The following MGMT variants were observed in gnomAD, a reference collection of about 807,000 sequenced individuals.
The protein encoded by MGMT is methylated-DNA--protein-cysteine methyltransferase.
MGMT carries 14 observed loss-of-function variants against 15.9 expected under a neutral mutation model. The ratio of observed to expected loss-of-function variants is 0.88; its 90% CI spans 0.58 to 1.37. The LOEUF is 1.37. Ranked by LOEUF, MGMT falls within the 40% of genes most tolerant of loss-of-function variation. The pLI is 0.00. For synonymous variants in MGMT, 130 were observed against 118.2 expected, an observed-to-expected ratio of 1.10 and a Z score of -0.65; for missense variants, 282 against 268.1, an observed-to-expected ratio of 1.05 and a Z score of -0.36.
At chr10:129,657,697 A>ACACACACACG in intron 2 of MGMT, among the ~76,000 whole-genome samples, 1 of 138,620 alleles carries the variant, frequency 7.2e-6, no homozygotes, top group East Asian at 2.0e-4. Context: ...ACACACACAC[A>ACACACACACG]CACACACACG....
At chr10:129,623,723 G>A (rs1847115469) in intron 2 of MGMT, among the ~76,000 whole-genome samples, 1 of 152,066 alleles carries the variant, frequency 6.6e-6, no homozygotes, top group Non-Finnish European at 1.5e-5. Context: ...GTCTTGCTAT[G>A]TTGCCCAGAC....
chr10:129,706,641 A>AGGG (rs1193209900), intron 2 of MGMT, among the ~76,000 whole-genome samples: 1 of 152,170 alleles, frequency 6.6e-6, no homozygotes, highest in Non-Finnish European at 1.5e-5. Context: ...GAAGGAAGGA[A>AGGG]GGGAGTCACC....
chr10:129,536,227 T>C lies in MGMT; in HGVS notation c.-12-14T>C. ...TTACCTATACACTTTGTCTTAAAAATTATTTCTGTTTAGGTACTTGGAAAA... is the reference window on the plus strand; with the variant it reads ...TTACCTATACACTTTGTCTTAAAAACTATTTCTGTTTAGGTACTTGGAAAA... On this transcript the variant is annotated splice_polypyrimidine_tract_variant and intron_variant, in intron 1 of 4. Coordinates refer to ENST00000651593, the MANE Select transcript of MGMT (RefSeq NM_002412.5). The C allele has an allele frequency of 6.2e-7, 1 of 1,613,612 alleles. No homozygotes were observed. The highest frequency in any genetic ancestry group is 8.5e-7 in the Non-Finnish European group (1 of 1,179,842).
chr10:129,656,963 C>T (rs1159181746), intron 2 of MGMT, among the ~76,000 whole-genome samples: 2 of 151,992 alleles, frequency 1.3e-5, no homozygotes, highest in East Asian at 1.9e-4. Context: ...AGAACTTCCA[C>T]GCAGAAGGCA....
chr10:129,594,111 C>G (rs912416872), intron 2 of MGMT, among the ~76,000 whole-genome samples: 3 of 152,248 alleles, frequency 2.0e-5, no homozygotes, highest in East Asian at 1.9e-4. Flanking sequence ...TGGGGGCAGC[C>G]CTGTGTTGGT....
chr10:129,716,519 T>C (rs1018253218), intron 3 of MGMT, among the ~76,000 whole-genome samples: 1 of 152,218 alleles, frequency 6.6e-6, no homozygotes, highest in African/African-American at 2.4e-5. Context: ...CTTCAGCCTT[T>C]CCTCACTTAG....
chr10:129,728,979 A>C (rs953057799), intron 3 of MGMT, among the ~76,000 whole-genome samples: 28 of 152,264 alleles, frequency 1.8e-4, no homozygotes, highest in African/African-American at 6.5e-4. Context: ...TGAACTTGGA[A>C]CATCCATATT....
intron 2 of MGMT, among the ~76,000 whole-genome samples, chr10:129,697,623 G>A (rs903518405): frequency 3.3e-5 from 5 of 152,184 alleles, no homozygotes; most frequent in Non-Finnish European, 7.3e-5. Flanking sequence ...AGTGTTGTGC[G>A]AGAGCTTACA....
chr10:129,628,279 C>T (rs1847172724), intron 2 of MGMT, among the ~76,000 whole-genome samples: 2 of 152,116 alleles, frequency 1.3e-5, no homozygotes, highest in Non-Finnish European at 2.9e-5. Context: ...ATTATTTTTC[C>T]AAAAGCTTTA....
At chr10:129,472,812 A>G (rs918939301) in intron 1 of MGMT, among the ~76,000 whole-genome samples, 5 of 152,078 alleles carry the variant, frequency 3.3e-5, no homozygotes, top group African/African-American at 1.2e-4. Flanking sequence ...CACATTTGCC[A>G]CCTCTGGTGC....
chr10:129,766,418 A>G (rs1848935512), intron 4 of MGMT, among the ~76,000 whole-genome samples: 1 of 152,230 alleles, frequency 6.6e-6, no homozygotes, highest in African/African-American at 2.4e-5. Context: ...AGAGCGTCAC[A>G]TACCACCAGA....
chr10:129,547,819 C>A (rs754765935), intron 2 of MGMT, among the ~76,000 whole-genome samples: 3 of 152,210 alleles, frequency 2.0e-5, no homozygotes, highest in Non-Finnish European at 2.9e-5. Flanking sequence ...AGCAAGCCTT[C>A]TGCTCATTCT....
At chr10:129,487,935 GTATA>G (rs1233041323) in intron 1 of MGMT, among the ~76,000 whole-genome samples, 1 of 144,148 alleles carries the variant, frequency 6.9e-6, no homozygotes, top group Non-Finnish European at 1.5e-5. Context: ...GTGTGTGTGT[GTATA>G]TATATACACA....
At chr10:129,475,944 A>G (rs1410555624) in intron 1 of MGMT, among the ~76,000 whole-genome samples, 12 of 152,242 alleles carry the variant, frequency 7.9e-5, no homozygotes, top group Admixed American at 7.2e-4. Flanking sequence ...ATCCATGACC[A>G]TATTCACAGC....
At chr10:129,750,072 G>A (rs11511217) in intron 3 of MGMT, among the ~76,000 whole-genome samples, 35,665 of 151,726 alleles carry the variant, frequency 0.24, 4,242 homozygotes, top group Middle Eastern at 0.3. Context: ...TCTGCCTCTC[G>A]TTTTCAGAGT....
chr10:129,555,700 G>A (rs1307878293), intron 2 of MGMT, among the ~76,000 whole-genome samples: 1 of 151,796 alleles, frequency 6.6e-6, no homozygotes, highest in Non-Finnish European at 1.5e-5. Flanking sequence ...GGGCAACAGA[G>A]TGAGACCCTG....
chr10:129,512,228 G>A (rs996047356), intron 1 of MGMT, among the ~76,000 whole-genome samples: 6 of 152,172 alleles, frequency 3.9e-5, no homozygotes, highest in Admixed American at 2.6e-4. Context: ...AGTTTCACCT[G>A]TTTGCGGACT....
intron 2 of MGMT, among the ~76,000 whole-genome samples, chr10:129,630,712 G>T (rs559399693): frequency 6.6e-6 from 1 of 152,324 alleles, no homozygotes; most frequent in South Asian, 2.1e-4. Context: ...AAGGTGTTGT[G>T]ATCAGTAAAA....
chr10:129,508,895 C>G (rs1845652505), intron 1 of MGMT, among the ~76,000 whole-genome samples: 3 of 151,898 alleles, frequency 2.0e-5, no homozygotes. Context: ...GATCAGATTG[C>G]TTACTTGGTT....
Sources: gnomAD v4.1 joint callset for allele counts (sites outside exome capture counted in the v4.1 genomes callset) on GRCh38, gnomAD v4.1.1 for gene constraint, MANE v1.5 for transcripts, NCBI Gene and HGNC (gene_info 2026-07-23, HGNC 2026-07-21) for gene names.